The following SLC15A5 variants were observed in gnomAD, a reference collection of about 807,000 sequenced individuals.
SLC15A5 encodes the protein Peptide/histidine transporter ENSP00000340402.
In SLC15A5, 58 loss-of-function variants were observed where a neutral mutation model predicts 56.1. The observed-to-expected ratio is 1.03, with a 90% confidence interval of 0.84 to 1.29. The LOEUF (loss-of-function observed/expected upper bound fraction) is 1.29. Ranked by LOEUF, SLC15A5 falls within the 50% of genes most tolerant of loss-of-function variation. The pLI, the probability that SLC15A5 is intolerant of heterozygous loss-of-function variation, is 0.00. For missense variants in SLC15A5, 681 were observed against 672.1 expected (o/e 1.01, Z -0.15); for synonymous variants, 264 against 250.5 (o/e 1.05, Z -0.51).
intron 3 of SLC15A5, among the ~76,000 whole-genome samples, chr12:16,256,932 AG>A (rs1864581373): frequency 6.6e-6 from 1 of 151,670 alleles, no homozygotes; most frequent in Non-Finnish European, 1.5e-5. Context: ...ATAGATAGAT[AG>A]ATAGATAGAT....
intron 8 of SLC15A5, 97 bp downstream of exon 8, chr12:16,194,248 C>A: frequency 1.5e-6 from 1 of 656,866 alleles, no homozygotes; most frequent in Non-Finnish European, 2.5e-6. Flanking sequence ...TCTAATTTGT[C>A]CAGTCATGGT....
At chr12:16,219,749 C>G (rs1270650526) in intron 6 of SLC15A5, among the ~76,000 whole-genome samples, 1 of 107,592 alleles carries the variant, frequency 9.3e-6, no homozygotes, top group South Asian at 4.4e-4. Context: ...TAGTGATCAT[C>G]AATTTGATTT....
At chr12:16,275,512 T>C (rs1340643618) in intron 1 of SLC15A5, among the ~76,000 whole-genome samples, 3 of 152,034 alleles carry the variant, frequency 2.0e-5, no homozygotes, top group Admixed American at 6.6e-5. Flanking sequence ...GACTGAGAAC[T>C]GGCAGCCGAG....
intron 8 of SLC15A5, among the ~76,000 whole-genome samples, 197 bp from the exon 9 acceptor site, chr12:16,190,012 G>A (rs544108649): frequency 6.6e-6 from 1 of 152,270 alleles, no homozygotes; most frequent in South Asian, 2.1e-4. Flanking sequence ...ACTTAGTAAA[G>A]TGTCTCATAA....
At chr12:16,215,173 A>G (rs1156322616) in intron 7 of SLC15A5, among the ~76,000 whole-genome samples, 1 of 133,276 alleles carries the variant, frequency 7.5e-6, no homozygotes, top group Non-Finnish European at 1.5e-5. Context: ...ACTGCACTCC[A>G]GCCTGGGTGA....
chr12:16,233,236 C>T (rs7953566), intron 5 of SLC15A5, among the ~76,000 whole-genome samples: 82,284 of 151,880 alleles, frequency 0.54, 22,589 homozygotes, highest in South Asian at 0.73. Flanking sequence ...TATGGCATTA[C>T]CAGCAAAAGT....
At chr12:16,223,659 AT>A (rs1450098336) in intron 6 of SLC15A5, among the ~76,000 whole-genome samples, 1 of 151,868 alleles carries the variant, frequency 6.6e-6, no homozygotes, top group Non-Finnish European at 1.5e-5. Context: ...TTTTCATTTC[AT>A]TTGCATGTTT....
chr12:16,258,918 C>G (rs1864607666), intron 2 of SLC15A5, among the ~76,000 whole-genome samples: 1 of 149,848 alleles, frequency 6.7e-6, no homozygotes, highest in Non-Finnish European at 1.5e-5. Context: ...TGCCTGCACT[C>G]AGGGGGATGG....
intron 2 of SLC15A5, among the ~76,000 whole-genome samples, chr12:16,266,112 T>G (rs2136817781): frequency 6.6e-6 from 1 of 152,318 alleles, no homozygotes; most frequent in East Asian, 1.9e-4. Context: ...AATGTATTTA[T>G]CATAAGGTAG....
intron 3 of SLC15A5, among the ~76,000 whole-genome samples, chr12:16,254,070 T>A (rs61915935): frequency 0.028 from 4,199 of 152,076 alleles, 79 homozygotes; most frequent in Admixed American, 0.04. Context: ...AAAGAAAATG[T>A]GGTATATACA....
intron 1 of SLC15A5, among the ~76,000 whole-genome samples, chr12:16,275,462 A>T (rs1430123637): frequency 6.6e-6 from 1 of 152,030 alleles, no homozygotes; most frequent in Non-Finnish European, 1.5e-5. Context: ...TTGTTCAGGA[A>T]GTCAGTGTTG....
At chr12:16,244,554 G>C in intron 4 of SLC15A5, 26 bp downstream of exon 4, 1 of 1,521,182 alleles carries the variant, frequency 6.6e-7, no homozygotes, top group Non-Finnish European at 8.8e-7. Flanking sequence ...CCTGTTGTTG[G>C]GGTAGTACTC....
At chr12:16,214,958 A>G (rs1165541998) in intron 7 of SLC15A5, among the ~76,000 whole-genome samples, 1 of 151,992 alleles carries the variant, frequency 6.6e-6, no homozygotes, top group Non-Finnish European at 1.5e-5. Flanking sequence ...TAATCCCAGC[A>G]CTTTGGGAGG....
intron 6 of SLC15A5, among the ~76,000 whole-genome samples, chr12:16,218,385 G>A (rs552578301): frequency 6.6e-6 from 1 of 152,288 alleles, no homozygotes; most frequent in African/African-American, 2.4e-5. Flanking sequence ...AAAGAAAAGT[G>A]ATGATAGAAA....
rs368648254 is a variant in SLC15A5, at chr12:16,244,592, C to T, written c.963G>A (p.Met321Ile). The T allele has an allele frequency of 3.5e-4, 543 of 1,537,550 alleles. 1 individual carries two copies. Among genetic ancestry groups the T allele is most frequent in the Non-Finnish European group, 4.5e-4 (519 of 1,147,032 alleles). ...PLFIFQLLYR[M>I]CIMQIPSGYY... ...CGCCTGTCCTTACCTGCATAATGCA[C>T]ATTCTGTATAGGAGCTGAAAAATGA... is the stretch of plus-strand genomic sequence containing the variant. Residue 321 changes from methionine (M) to isoleucine (I), a missense_variant, in exon 4 of 9, where the codon ATG (methionine) becomes ATA (isoleucine). Coordinates refer to ENST00000344941, the MANE Select transcript of SLC15A5 (RefSeq NM_001170798.1).
chr12:16,192,502 C>G (rs112980910), intron 8 of SLC15A5, among the ~76,000 whole-genome samples: 6,710 of 152,160 alleles, frequency 0.044, 203 homozygotes, highest in African/African-American at 0.071. Context: ...CAGGAACTCA[C>G]TAGTTCCACA....
intron 3 of SLC15A5, among the ~76,000 whole-genome samples, chr12:16,254,307 T>A (rs1296006010): frequency 6.6e-6 from 1 of 152,012 alleles, no homozygotes; most frequent in Non-Finnish European, 1.5e-5. Flanking sequence ...TAGAAAAGCA[T>A]TTACCAAGGA....
At chr12:16,254,583 T>G (rs180712022) in intron 3 of SLC15A5, among the ~76,000 whole-genome samples, 1 of 152,304 alleles carries the variant, frequency 6.6e-6, no homozygotes, top group African/African-American at 2.4e-5. Flanking sequence ...ATTTTCTTTA[T>G]TCATTCATTT....
chr12:16,218,023 A>G (rs151187746), intron 6 of SLC15A5, among the ~76,000 whole-genome samples: 4 of 152,314 alleles, frequency 2.6e-5, no homozygotes, highest in East Asian at 3.9e-4. Flanking sequence ...ATGCATGACA[A>G]TCTTAGCGAT....
Sources: gnomAD v4.1 joint callset for allele counts (sites outside exome capture counted in the v4.1 genomes callset) on GRCh38, gnomAD v4.1.1 for gene constraint, MANE v1.5 for transcripts, NCBI Gene and HGNC (gene_info 2026-07-23, HGNC 2026-07-21) for gene names.